GPM6A: variants seen among roughly 807,000 people sequenced by gnomAD.
GPM6A encodes the protein glycoprotein M6A.
A neutral mutation model predicts 32.1 loss-of-function variants in GPM6A; 7 were observed. The observed-to-expected ratio is 0.22, with a 90% confidence interval of 0.12 to 0.41. GPM6A has a LOEUF of 0.41. GPM6A is among the 10% of genes least tolerant of loss of function. The pLI, the probability that GPM6A is intolerant of heterozygous loss-of-function variation, is 1.00. For synonymous variants in GPM6A, 130 were observed against 123.4 expected (o/e 1.05, Z -0.35); for missense variants, 235 against 347.2 (o/e 0.68, Z 2.57).
chr4:175,999,788 C>T (rs921463098), intron 1 of GPM6A, among the ~76,000 whole-genome samples: 16 of 152,232 alleles, frequency 1.1e-4, no homozygotes, highest in African/African-American at 3.1e-4. Context: ...CATTTGTTGG[C>T]GCAATCCAGC....
rs556982282 is a variant in GPM6A at position 175,900,714 on chromosome 4, G to A, written c.-22-88465C>T. Among the ~76,000 whole-genome samples the A allele has an allele frequency of 1.4e-4, 22 of 152,272 alleles. No homozygotes were observed. The South Asian group carries it at 4.3e-3, about 30-fold the overall frequency. On this transcript the variant is annotated intron_variant, in intron 1 of 7. Transcript: ENST00000280187. ...CAACCACTATAGAAAACCATTAAGA[G>A]CTTCCTCAGAAACCTAAAAATAGAG... is the stretch of plus-strand genomic sequence containing the variant.
chr4:175,910,792 G>T (rs1014298888), intron 1 of GPM6A, among the ~76,000 whole-genome samples: 1 of 151,996 alleles, frequency 6.6e-6, no homozygotes, highest in Non-Finnish European at 1.5e-5. Flanking sequence ...TCTGTACAAG[G>T]CCAGATAATA....
chr4:175,851,347 T>C lies in GPM6A; in HGVS notation c.-22-39098A>G, dbSNP rs1437705067. Among the ~76,000 whole-genome samples, 3 of 151,974 alleles carry C rather than the reference T, an allele frequency of 2.0e-5. No homozygotes were observed. The East Asian group carries it at 5.8e-4, about 29-fold the overall frequency. ...TAAAAATACAAAAATTAGCTGAGCA[T>C]GGTGGTGGACGCCAGTAATCCCAGC... On this transcript the variant is annotated intron_variant, in intron 1 of 7. Coordinates refer to the GPM6A transcript ENST00000280187.
At chr4:175,894,733 A>T (rs1402423393) in intron 1 of GPM6A, among the ~76,000 whole-genome samples, 4 of 152,182 alleles carry the variant, frequency 2.6e-5, no homozygotes, top group African/African-American at 9.6e-5. Flanking sequence ...GAGTGGCTAA[A>T]TCATTTTGGC....
chr4:175,783,836 T>C (rs1409428157), intron 1 of GPM6A, among the ~76,000 whole-genome samples: 4 of 152,056 alleles, frequency 2.6e-5, no homozygotes, highest in Non-Finnish European at 5.9e-5. Flanking sequence ...ATTCATTTTA[T>C]GAGAATCATT....
chr4:175,702,613 C>G (rs188993286), intron 1 of GPM6A, among the ~76,000 whole-genome samples: 42 of 152,150 alleles, frequency 2.8e-4, no homozygotes, highest in African/African-American at 9.4e-4. Context: ...CTCCCGAGTT[C>G]AAGAGATTCT....
At position 175,668,517 on chromosome 4, in the gene GPM6A, T is replaced by TTGTGTGTGTGTGTGTGTGTGTGTG. The variant is rs1445605789; in HGVS notation, c.387+5162_387+5163insCACACACACACACACACACACACA. ...TTCCCACAGTTTAGGATTCAAACGT[T>TTGTGTGTGTGTGTGTGTGTGTGTG]TATGTGTGTGTGTGTGTGTGTGTGT... On this transcript the variant is annotated intron_variant, in intron 3 of 6. Transcript: ENST00000393658. 1.8e-4 allele frequency among the ~76,000 whole-genome samples: 4 copies of TTGTGTGTGTGTGTGTGTGTGTGTG among 22,798 alleles called. No homozygotes were observed. The Admixed American group carries it at 2.9e-3, about 17-fold the overall frequency. 15.0% of individuals were successfully genotyped at this position (22,798 alleles called of 152,430 possible). A position where few individuals can be genotyped will look rare whatever the true frequency, so the allele number is the denominator to read the frequency against.
chr4:175,785,481 G>A (rs976582312), intron 1 of GPM6A, among the ~76,000 whole-genome samples: 3 of 152,152 alleles, frequency 2.0e-5, no homozygotes, highest in Middle Eastern at 3.2e-3. Flanking sequence ...CAGCTGTTGG[G>A]AGAATAGAAT....
At chr4:175,839,810 G>A (rs555948064) in intron 1 of GPM6A, among the ~76,000 whole-genome samples, 6 of 152,060 alleles carry the variant, frequency 3.9e-5, no homozygotes, top group Non-Finnish European at 8.8e-5. Flanking sequence ...GTTTCTTGAT[G>A]TCTTTATTGC....
At chr4:175,787,682 A>C (rs1733855136) in intron 1 of GPM6A, 1 of 977,100 alleles carries the variant, frequency 1.0e-6, no homozygotes, top group Non-Finnish European at 1.3e-6. Context: ...TATGCAAGAC[A>C]TAATTTTCTT....
intron 1 of GPM6A, among the ~76,000 whole-genome samples, chr4:175,948,024 G>A (rs554181025): frequency 2.0e-5 from 3 of 152,218 alleles, no homozygotes; most frequent in African/African-American, 7.2e-5. Context: ...CCTAGCAATA[G>A]CAATAGCAAT....
rs576268651 is a variant in GPM6A, at chr4:175,889,541, C to A, written c.-22-77292G>T. Among the ~76,000 whole-genome samples the A allele has an allele frequency of 3.5e-3, 511 of 144,528 alleles. 3 individuals are homozygous for A. The highest frequency in any genetic ancestry group is 0.013 in the African/African-American group (487 of 36,456). 94.8% of individuals were successfully genotyped at this position (144,528 alleles called of 152,430 possible). A position where few individuals can be genotyped will look rare whatever the true frequency, so the allele number is the denominator to read the frequency against. On this transcript the variant is annotated intron_variant, in intron 1 of 7. Coordinates refer to the GPM6A transcript ENST00000280187. ...TCCAAAAAAAAAAAAAGAGGCCAGG[C>A]GCAGTGGCTCGCGCCTGTAATCCCA...
chr4:175,965,325 A>T (rs750737890), intron 1 of GPM6A, among the ~76,000 whole-genome samples: 2 of 152,192 alleles, frequency 1.3e-5, no homozygotes, highest in Non-Finnish European at 2.9e-5. Flanking sequence ...GAATGCATAT[A>T]TTAGAAAAAA....
chr4:175,737,967 C>T (rs562590491), intron 1 of GPM6A, among the ~76,000 whole-genome samples: 1,832 of 142,738 alleles, frequency 0.013, 20 homozygotes, highest in Middle Eastern at 0.049. Context: ...AGTGGAGTTT[C>T]GTTCTTGTTG....
chr4:175,890,061 T>C (rs1737592348), intron 1 of GPM6A, among the ~76,000 whole-genome samples: 1 of 151,950 alleles, frequency 6.6e-6, no homozygotes, highest in Non-Finnish European at 1.5e-5. Context: ...TATAACAAAA[T>C]AGGCAGGCTC....
intron 1 of GPM6A, among the ~76,000 whole-genome samples, chr4:175,900,077 C>G (rs1435779450): frequency 1.3e-5 from 2 of 151,814 alleles, no homozygotes; most frequent in African/African-American, 4.8e-5. Context: ...ATCAGGAGTT[C>G]AAGATCAGCC....
chr4:176,002,048 C>A (rs112172863), intron 1 of GPM6A, among the ~76,000 whole-genome samples: 1 of 152,130 alleles, frequency 6.6e-6, no homozygotes, highest in African/African-American at 2.4e-5. Flanking sequence ...AGCGCCCAAG[C>A]GCAGCCCCCC....
intron 1 of GPM6A, among the ~76,000 whole-genome samples, chr4:175,936,078 G>T (rs1739213856): frequency 6.6e-6 from 1 of 151,514 alleles, no homozygotes; most frequent in African/African-American, 2.4e-5. Context: ...GGCCGAGGGG[G>T]GTGGATCATG....
At chr4:175,787,361 A>G in intron 1 of GPM6A, 1 of 1,535,028 alleles carries the variant, frequency 6.5e-7, no homozygotes, top group Non-Finnish European at 8.7e-7. Context: ...TAAAAGTGTG[A>G]TGCTGCCGGC....
Sources: allele counts gnomAD v4.1 joint callset (sites outside exome capture counted in the v4.1 genomes callset), GRCh38; gene constraint gnomAD v4.1.1; transcripts MANE v1.5; gene names NCBI Gene and HGNC (gene_info 2026-07-23, HGNC 2026-07-21).